MAML3: variants seen among roughly 807,000 people sequenced by gnomAD.
MAML3 encodes mastermind-like protein 3.
In MAML3, 27 loss-of-function variants were observed where a neutral mutation model predicts 101.9. That is an observed-to-expected ratio of 0.27 (90% CI 0.20 to 0.37). The LOEUF (loss-of-function observed/expected upper bound fraction) is 0.37. Ranked by LOEUF, MAML3 falls within the 10% of genes least tolerant of loss-of-function variation. The pLI is 1.00. For missense variants in MAML3, 1,316 were observed against 1,444.9 expected (o/e 0.91, Z 1.45); for synonymous variants, 501 against 555.9 (o/e 0.90, Z 1.39).
At position 139,839,253 on chromosome 4, in the gene MAML3, C is replaced by T. The variant is rs565633794; in HGVS notation, c.2079+50104G>A. On this transcript the variant is annotated intron_variant, in intron 2 of 4. Coordinates refer to ENST00000509479, the MANE Select transcript of MAML3 (RefSeq NM_018717.5). Reference sequence around the variant, plus strand: ...GATTCAGACAGCAGCACCGGATCCTCTGTTGGCATCAAAAGTCCATTGCTG... The same window carrying T: ...GATTCAGACAGCAGCACCGGATCCTTTGTTGGCATCAAAAGTCCATTGCTG... Among the ~76,000 whole-genome samples, 6 of 152,310 alleles carry T rather than the reference C, an allele frequency of 3.9e-5. No individual in the cohort carries two copies. In the South Asian group the frequency reaches 1.2e-3, roughly 32 times the overall value.
intron 1 of MAML3, among the ~76,000 whole-genome samples, chr4:140,002,430 G>A (rs1337389023): frequency 1.3e-5 from 2 of 152,138 alleles, no homozygotes; most frequent in South Asian, 2.1e-4. Flanking sequence ...GAGGTCTGAG[G>A]TGGAAGCAAA....
chr4:139,735,269 CA>C lies in MAML3; in HGVS notation c.2080-4603del, dbSNP rs1728888173. On this transcript the variant is annotated intron_variant, in intron 2 of 4. Coordinates refer to ENST00000509479, the MANE Select transcript of MAML3 (RefSeq NM_018717.5). This position sits in a 1 kb window ranked among gnomAD's most constrained non-coding sequence, Gnocchi z 5.8. ...CTGGTGACTCGAGGCCCTCTTTGCACAAAATGAGTTCTCTCTCCATTGCCGT... is the reference window on the plus strand; with the variant it reads ...CTGGTGACTCGAGGCCCTCTTTGCACAAATGAGTTCTCTCTCCATTGCCGT... Among the ~76,000 whole-genome samples the C allele has an allele frequency of 6.6e-6, 1 of 152,232 alleles. No homozygotes were observed. Among genetic ancestry groups the C allele is most frequent in the African/African-American group, 2.4e-5 (1 of 41,462 alleles).
At chr4:140,138,832 G>T (rs1404332748) in intron 1 of MAML3, among the ~76,000 whole-genome samples, 1 of 152,134 alleles carries the variant, frequency 6.6e-6, no homozygotes, top group Non-Finnish European at 1.5e-5. Flanking sequence ...CCAAACTCAA[G>T]AATAAAGAAT....
chr4:139,777,243 A>G (rs528613669), intron 2 of MAML3, among the ~76,000 whole-genome samples: 1 of 152,340 alleles, frequency 6.6e-6, no homozygotes, highest in South Asian at 2.1e-4. Context: ...TATGTCCAAA[A>G]TAGAATTTCC....
intron 1 of MAML3, among the ~76,000 whole-genome samples, chr4:139,933,059 G>A (rs1338611176): frequency 6.6e-6 from 1 of 152,156 alleles, no homozygotes; most frequent in Admixed American, 6.5e-5. Context: ...GGGAGGGGTT[G>A]AGTCACATTC....
Position 140,153,550 on chromosome 4 carries a change from A to AG in MAML3, c.-224dup, listed in dbSNP as rs1202762441. The AG allele has an allele frequency of 1.2e-5, 6 of 516,692 alleles. No homozygotes were observed. Among genetic ancestry groups the AG allele is most frequent in the African/African-American group, 1.0e-4 (5 of 50,064 alleles). 32.0% of individuals were successfully genotyped at this position (516,692 alleles called of 1,614,324 possible). ...ACTGTAAAAGCTCAAGGGGAAGAAA[A>AG]GGGGGGAACGTTATCGGAATACCAT... On this transcript the variant is annotated 5_prime_UTR_variant, in exon 1 of 5. Coordinates refer to ENST00000509479, the MANE Select transcript of MAML3 (RefSeq NM_018717.5).
At chr4:139,794,187 C>A (rs1730470427) in intron 2 of MAML3, 1 of 152,174 alleles carries the variant, frequency 6.6e-6, no homozygotes, top group Non-Finnish European at 1.5e-5. Flanking sequence ...CTAGTTACTT[C>A]AATAAGATGA....
At position 139,735,380 on chromosome 4, in the gene MAML3, GGAA is replaced by G. The variant is rs1458560175; in HGVS notation, c.2080-4716_2080-4714del. Among the ~76,000 whole-genome samples the G allele has an allele frequency of 3.9e-5, 6 of 152,084 alleles. No homozygotes were observed. The highest frequency in any genetic ancestry group is 2.9e-5 in the Non-Finnish European group (2 of 68,006). ...CGACTTTTCTTCCAGCCGGAGGGGA[GGAA>G]GAATTCAAGTGGGGGAGGGCGCGGG... is the stretch of plus-strand genomic sequence containing the variant. On this transcript the variant is annotated intron_variant, in intron 2 of 4. Coordinates refer to ENST00000509479, the MANE Select transcript of MAML3 (RefSeq NM_018717.5). This position sits in a 1 kb window ranked among gnomAD's most constrained non-coding sequence, Gnocchi z 5.8.
At chr4:139,765,178 CTGCCTTACA>C (rs1168837673) in intron 2 of MAML3, among the ~76,000 whole-genome samples, 7 of 152,112 alleles carry the variant, frequency 4.6e-5, no homozygotes, top group African/African-American at 1.7e-4. Context: ...TCCTTCTCAT[CTGCCTTACA>C]TGTTATATCT....
chr4:140,083,961 CACACACAGAGAGAGAGAGAGAG>C (rs1360496546), intron 1 of MAML3, among the ~76,000 whole-genome samples: 3,650 of 36,024 alleles, frequency 0.1, 51 homozygotes, highest in Middle Eastern at 0.16. Context: ...CACACACACA[CACACACAGAGAGAGAGAGAGAG>C]AGAGAGAGAG....
intron 1 of MAML3, among the ~76,000 whole-genome samples, chr4:140,072,730 C>T (rs1727682449): frequency 6.6e-6 from 1 of 151,856 alleles, no homozygotes. Context: ...AATACAACAC[C>T]ATTGTATATC....
intron 1 of MAML3, among the ~76,000 whole-genome samples, chr4:140,107,109 G>A (rs1237054984): frequency 6.6e-6 from 1 of 152,164 alleles, no homozygotes; most frequent in African/African-American, 2.4e-5. Context: ...GACCTCAGGT[G>A]ATCTGCCCAC....
intron 1 of MAML3, among the ~76,000 whole-genome samples, chr4:139,942,089 G>A (rs1733611688): frequency 6.6e-6 from 1 of 152,006 alleles, no homozygotes; most frequent in African/African-American, 2.4e-5. Context: ...AGCAAAGATC[G>A]TGCCACTATA....
At position 139,745,960 on chromosome 4, in the gene MAML3, C is replaced by T. The variant is rs148745543; in HGVS notation, c.2080-15293G>A. Among the ~76,000 whole-genome samples, 864 of 152,322 alleles carry T rather than the reference C, an allele frequency of 5.7e-3. 6 individuals carry two copies. The highest frequency in any genetic ancestry group is 0.02 in the African/African-American group (819 of 41,574). On this transcript the variant is annotated intron_variant, in intron 2 of 4. Transcript: ENST00000509479. ...GTTTTTGTGCTTCCTTAACTTGTTTCTCCAACTTTCTCCTGCTACTAAATG... is the reference window on the plus strand; with the variant it reads ...GTTTTTGTGCTTCCTTAACTTGTTTTTCCAACTTTCTCCTGCTACTAAATG...
chr4:139,784,644 C>T (rs1381373008), intron 2 of MAML3, among the ~76,000 whole-genome samples: 2 of 152,228 alleles, frequency 1.3e-5, no homozygotes, highest in Admixed American at 1.3e-4. Context: ...GCTTTTAATA[C>T]AATTCTCATC....
At chr4:139,769,085 G>A (rs1729923876) in intron 2 of MAML3, among the ~76,000 whole-genome samples, 2 of 152,066 alleles carry the variant, frequency 1.3e-5, no homozygotes, top group African/African-American at 2.4e-5. Context: ...GTCGCCTCCT[G>A]GTGTTTACTA....
At chr4:139,863,426 C>A (rs1019824782) in intron 2 of MAML3, among the ~76,000 whole-genome samples, 3 of 148,802 alleles carry the variant, frequency 2.0e-5, no homozygotes, top group African/African-American at 7.4e-5. Context: ...TCTTGGCTCA[C>A]GACAACCTGC....
chr4:140,005,702 T>C (rs945976846), intron 1 of MAML3, among the ~76,000 whole-genome samples: 5 of 152,220 alleles, frequency 3.3e-5, no homozygotes, highest in African/African-American at 4.8e-5. Context: ...ATCCTGGAGA[T>C]GAACTTTGTT....
At chr4:140,105,838 T>C (rs1355316306) in intron 1 of MAML3, among the ~76,000 whole-genome samples, 2 of 152,026 alleles carry the variant, frequency 1.3e-5, no homozygotes, top group African/African-American at 2.4e-5. Context: ...GGGATCCTGG[T>C]GTGCAAATCA....
Sources: allele counts gnomAD v4.1 joint callset (sites outside exome capture counted in the v4.1 genomes callset), GRCh38; gene constraint gnomAD v4.1.1; non-coding constraint Gnocchi (gnomAD v3.1); transcripts MANE v1.5; gene names NCBI Gene and HGNC (gene_info 2026-07-23, HGNC 2026-07-21).